The following MGMT variants were observed in gnomAD, a reference collection of about 807,000 sequenced individuals.
The protein encoded by MGMT is methylated-DNA--protein-cysteine methyltransferase.
In MGMT, 14 loss-of-function variants were observed where a neutral mutation model predicts 15.9. That is an observed-to-expected ratio of 0.88 (90% CI 0.58 to 1.37). The LOEUF (loss-of-function observed/expected upper bound fraction) is 1.37. Among genes scored for constraint, MGMT ranks in the 40% most tolerant of loss-of-function variants. The pLI is 0.00. For synonymous variants in MGMT, 130 were observed against 118.2 expected (o/e 1.10, Z -0.65); for missense variants, 282 against 268.1 (o/e 1.05, Z -0.36).
chr10:129,476,789 C>T (rs1845299691), intron 1 of MGMT, among the ~76,000 whole-genome samples: 1 of 152,170 alleles, frequency 6.6e-6, no homozygotes, highest in Non-Finnish European at 1.5e-5. Flanking sequence ...GGGTGTCCTG[C>T]ACGCCCACAC....
intron 2 of MGMT, among the ~76,000 whole-genome samples, chr10:129,702,671 A>G (rs1454473198): frequency 6.6e-6 from 1 of 152,164 alleles, no homozygotes; most frequent in East Asian, 1.9e-4. Flanking sequence ...TCCTGCTGGC[A>G]TCATGAGCTG....
intron 3 of MGMT, among the ~76,000 whole-genome samples, chr10:129,739,804 A>G (rs1848609811): frequency 6.6e-6 from 1 of 152,140 alleles, no homozygotes; most frequent in Admixed American, 6.5e-5. Flanking sequence ...CTCAGCTATC[A>G]TTAGTGTTAG....
At chr10:129,739,205 T>C (rs1848601986) in intron 3 of MGMT, among the ~76,000 whole-genome samples, 1 of 152,190 alleles carries the variant, frequency 6.6e-6, no homozygotes, top group Non-Finnish European at 1.5e-5. Context: ...TCATACTGAA[T>C]GGGCAAAACT....
intron 2 of MGMT, among the ~76,000 whole-genome samples, chr10:129,644,512 C>T (rs1202382365): frequency 1.3e-5 from 2 of 152,124 alleles, no homozygotes; most frequent in East Asian, 1.9e-4. Flanking sequence ...TGAAGGGGTC[C>T]CACTGCAAAG....
intron 3 of MGMT, among the ~76,000 whole-genome samples, chr10:129,718,063 G>C (rs1848320500): frequency 6.6e-6 from 1 of 152,196 alleles, no homozygotes; most frequent in Non-Finnish European, 1.5e-5. Context: ...GTGTTAGCCA[G>C]CTGACCACAG....
At chr10:129,582,418 A>G (rs1384900381) in intron 2 of MGMT, among the ~76,000 whole-genome samples, 2 of 152,204 alleles carry the variant, frequency 1.3e-5, no homozygotes, top group African/African-American at 4.8e-5. Flanking sequence ...CCAGGCATTG[A>G]AAAAATAACA....
At chr10:129,716,392 T>G (rs1161614094) in intron 3 of MGMT, among the ~76,000 whole-genome samples, 1 of 152,212 alleles carries the variant, frequency 6.6e-6, no homozygotes, top group Non-Finnish European at 1.5e-5. Flanking sequence ...AGGGGAATTG[T>G]CCATAGTCTT....
intron 2 of MGMT, among the ~76,000 whole-genome samples, chr10:129,558,956 C>T (rs994495660): frequency 2.0e-5 from 3 of 152,212 alleles, no homozygotes; most frequent in Non-Finnish European, 1.5e-5. Context: ...TCTCATTTCA[C>T]TCCCATAATC....
At chr10:129,619,974 G>A (rs1847072761) in intron 2 of MGMT, among the ~76,000 whole-genome samples, 1 of 152,120 alleles carries the variant, frequency 6.6e-6, no homozygotes, top group Non-Finnish European at 1.5e-5. Context: ...GATAGAAGCA[G>A]TGGGTCCCAC....
rs764498344 is a variant in MGMT, at chr10:129,769,666, G to T, written c.*2669G>T. 6.6e-6 allele frequency among the ~76,000 whole-genome samples: 1 copy of T among 152,182 alleles called. No homozygotes were observed. Among genetic ancestry groups the T allele is most frequent in the African/African-American group, 2.4e-5 (1 of 41,448 alleles). ...GGCAAAATAAGTTGCCTTTGGCCACGCAGGAGACTGAGTTTTGTGAGGGGT... is the reference window on the plus strand; with the variant it reads ...GGCAAAATAAGTTGCCTTTGGCCACTCAGGAGACTGAGTTTTGTGAGGGGT... On this transcript the variant is annotated 3_prime_UTR_variant, in exon 5 of 5. Coordinates refer to ENST00000651593, the MANE Select transcript of MGMT (RefSeq NM_002412.5).
intron 2 of MGMT, among the ~76,000 whole-genome samples, chr10:129,661,734 T>C (rs1034518833): frequency 6.6e-5 from 10 of 152,232 alleles, no homozygotes; most frequent in African/African-American, 1.9e-4. Flanking sequence ...ATCAATTTAC[T>C]GGAGTTTCCA....
intron 2 of MGMT, among the ~76,000 whole-genome samples, chr10:129,546,380 G>A (rs1846098411): frequency 6.6e-6 from 1 of 152,242 alleles, no homozygotes; most frequent in Admixed American, 6.5e-5. Context: ...ACTGGGTGGT[G>A]AACCAGGAGG....
intron 1 of MGMT, among the ~76,000 whole-genome samples, chr10:129,473,307 AT>A (rs1845253210): frequency 6.6e-6 from 1 of 152,196 alleles, no homozygotes; most frequent in African/African-American, 2.4e-5. Context: ...AATGGGCCTT[AT>A]TTTTATTTGG....
chr10:129,761,009 A>T (rs966498242), intron 4 of MGMT, among the ~76,000 whole-genome samples: 1 of 152,092 alleles, frequency 6.6e-6, no homozygotes, highest in East Asian at 1.9e-4. Context: ...ATTTCTGAGG[A>T]TGGTTTTTGA....
intron 1 of MGMT, among the ~76,000 whole-genome samples, chr10:129,477,166 C>T (rs562183276): frequency 2.4e-4 from 36 of 152,314 alleles, no homozygotes; most frequent in African/African-American, 4.1e-4. Flanking sequence ...CCGATCCCCA[C>T]GCAGACATGC....
At chr10:129,594,066 C>T (rs991573018) in intron 2 of MGMT, among the ~76,000 whole-genome samples, 3 of 152,140 alleles carry the variant, frequency 2.0e-5, no homozygotes, top group Non-Finnish European at 4.4e-5. Context: ...CCTGTTTATG[C>T]GAGGCCGGCA....
intron 2 of MGMT, among the ~76,000 whole-genome samples, chr10:129,618,484 T>C (rs921528480): frequency 1.3e-5 from 2 of 152,060 alleles, no homozygotes; most frequent in African/African-American, 2.4e-5. Context: ...TTTTGGCTCT[T>C]CTTAGTCCTT....
intron 2 of MGMT, among the ~76,000 whole-genome samples, chr10:129,651,400 C>CT (rs35356441): frequency 1.0e-4 from 15 of 150,596 alleles, no homozygotes; most frequent in Non-Finnish European, 1.6e-4. Context: ...CTAGGAAAAC[C>CT]TTTTTTTTAA....
intron 2 of MGMT, among the ~76,000 whole-genome samples, chr10:129,565,336 T>C (rs926949405): frequency 6.6e-6 from 1 of 151,992 alleles, no homozygotes; most frequent in African/African-American, 2.4e-5. Context: ...CCCTCTGAAC[T>C]GATCTACAAG....
Sources: gnomAD v4.1 joint callset for allele counts (sites outside exome capture counted in the v4.1 genomes callset) on GRCh38, gnomAD v4.1.1 for gene constraint, MANE v1.5 for transcripts, NCBI Gene and HGNC (gene_info 2026-07-23, HGNC 2026-07-21) for gene names.